DIAPH2: variants seen among roughly 807,000 people sequenced by gnomAD.
DIAPH2 encodes the protein diaphanous related formin 2.
In DIAPH2, 35 loss-of-function variants were observed where a neutral mutation model predicts 92.7. That is an observed-to-expected ratio of 0.38 (90% CI 0.29 to 0.50). The LOEUF (loss-of-function observed/expected upper bound fraction) is 0.50, where lower values mean the gene tolerates loss of function less well. DIAPH2 is among the 20% of genes least tolerant of loss of function. The pLI, the probability that DIAPH2 is intolerant of heterozygous loss-of-function variation, is 0.94. For missense variants in DIAPH2, 701 were observed against 819.5 expected (o/e 0.86, Z 1.77); for synonymous variants, 301 against 280.4 (o/e 1.07, Z -0.73).
chrX:96,832,765 A>G (rs2064863474), intron 4 of DIAPH2, among the ~76,000 whole-genome samples: 1 of 111,689 alleles, frequency 9.0e-6, no homozygotes, highest in African/African-American at 3.2e-5. Context: ...GATTTCATAA[A>G]AGTTGCTGTT....
At chrX:97,274,247 T>C (rs1363843819) in intron 23 of DIAPH2, among the ~76,000 whole-genome samples, 2 of 111,067 alleles carry the variant, frequency 1.8e-5, no homozygotes, top group African/African-American at 6.5e-5. Flanking sequence ...CGGTGGCTCA[T>C]GCCTGTAATC....
intron 4 of DIAPH2, 46 bp from the exon 5 acceptor site, chrX:96,881,533 T>G (rs2065213216): frequency 8.8e-7 from 1 of 1,131,051 alleles, no homozygotes; most frequent in African/African-American, 1.8e-5. Context: ...TTACTTAAAT[T>G]TTTTTTGAAA....
rs191421447 is a variant in DIAPH2 at position 96,750,233 on chromosome X, G to A, written c.343-7921G>A. Among the ~76,000 whole-genome samples the A allele has an allele frequency of 5.5e-3, 602 of 108,904 alleles. 5 individuals carry two copies. The highest frequency in any genetic ancestry group is 9.1e-3 in the Non-Finnish European group (477 of 52,350). 94.6% of individuals were successfully genotyped at this position (108,904 alleles called of 115,157 possible). ...AGTAGAGATGGGGTTTTGCCATGTC[G>A]GCCAGGCTGGTCTCGAACTCCTGAC... On this transcript the variant is annotated intron_variant, in intron 3 of 26. Coordinates refer to ENST00000324765, the MANE Select transcript of DIAPH2 (RefSeq NM_006729.5).
chrX:96,770,377 T>G (rs1307306237), intron 4 of DIAPH2, among the ~76,000 whole-genome samples: 2 of 112,029 alleles, frequency 1.8e-5, no homozygotes, highest in Non-Finnish European at 3.8e-5. Context: ...TTTTATTAGT[T>G]TATTTATAGA....
chrX:97,296,028 A>G (rs779757179), intron 23 of DIAPH2, among the ~76,000 whole-genome samples: 2 of 110,913 alleles, frequency 1.8e-5, no homozygotes. Context: ...CACCATACGC[A>G]GCCATATTTT....
chrX:97,540,669 A>T (rs2071132913), intron 26 of DIAPH2, among the ~76,000 whole-genome samples: 1 of 112,146 alleles, frequency 8.9e-6, no homozygotes, highest in South Asian at 3.7e-4. Context: ...TCATTATGCA[A>T]CCAATTAGAA....
intron 24 of DIAPH2, among the ~76,000 whole-genome samples, chrX:97,359,895 G>A (rs1162765361): frequency 9.0e-6 from 1 of 111,375 alleles, no homozygotes; most frequent in East Asian, 2.8e-4. Flanking sequence ...TCTTAATAAT[G>A]AGGCAGCTAC....
intron 26 of DIAPH2, among the ~76,000 whole-genome samples, chrX:97,573,070 T>A (rs1355397689): frequency 9.0e-6 from 1 of 111,645 alleles, no homozygotes; most frequent in Admixed American, 9.6e-5. Context: ...AATCAGAAAT[T>A]CATGTCCTTA....
chrX:97,348,605 G>A (rs2069179618), intron 24 of DIAPH2, among the ~76,000 whole-genome samples: 1 of 111,807 alleles, frequency 8.9e-6, no homozygotes, highest in South Asian at 3.7e-4. Flanking sequence ...ATTTCACGTA[G>A]CGTAAACATT....
intron 4 of DIAPH2, among the ~76,000 whole-genome samples, chrX:96,817,382 G>GA (rs1351294191): frequency 2.7e-5 from 3 of 110,673 alleles, no homozygotes; most frequent in Non-Finnish European, 3.8e-5. Context: ...ATTAAAAATT[G>GA]AAAAATAGGC....
chrX:96,726,724 A>G (rs1256390401), intron 1 of DIAPH2, among the ~76,000 whole-genome samples: 3 of 112,135 alleles, frequency 2.7e-5, no homozygotes, highest in Non-Finnish European at 5.6e-5. Context: ...TGTGTAATTT[A>G]TTATCTTTGT....
chrX:97,297,603 ACTT>A (rs2068655883), intron 23 of DIAPH2, among the ~76,000 whole-genome samples: 2 of 72,128 alleles, frequency 2.8e-5, no homozygotes, highest in Non-Finnish European at 5.2e-5. Flanking sequence ...TTTTTAGTGC[ACTT>A]TTTTTTTTTT....
intron 4 of DIAPH2, among the ~76,000 whole-genome samples, chrX:96,820,433 G>A (rs2064770063): frequency 9.0e-6 from 1 of 111,635 alleles, no homozygotes; most frequent in Admixed American, 9.5e-5. Context: ...CTGTGCCACT[G>A]TACTCCAGCC....
At chrX:97,328,975 C>A (rs2068974916) in intron 23 of DIAPH2, among the ~76,000 whole-genome samples, 1 of 111,835 alleles carries the variant, frequency 8.9e-6, no homozygotes, top group African/African-American at 3.2e-5. Context: ...CCCTTTCCAT[C>A]AAAAATAGCC....
chrX:96,943,064 G>T (rs747456488), intron 13 of DIAPH2, among the ~76,000 whole-genome samples: 1 of 109,202 alleles, frequency 9.2e-6, no homozygotes, highest in African/African-American at 3.3e-5. Flanking sequence ...TCACATTCGT[G>T]ATCGCTCCCT....
intron 26 of DIAPH2, among the ~76,000 whole-genome samples, chrX:97,586,109 A>G (rs2071478187): frequency 9.0e-6 from 1 of 111,392 alleles, no homozygotes; most frequent in Admixed American, 9.6e-5. Context: ...ACCATCTACC[A>G]TCTATTACCC....
chrX:97,352,658 A>G (rs1222080231), intron 24 of DIAPH2, among the ~76,000 whole-genome samples: 2 of 108,778 alleles, frequency 1.8e-5, no homozygotes, highest in African/African-American at 3.3e-5. Context: ...TCACGAGGTC[A>G]GGAGATCGAG....
chrX:97,182,795 G>A (rs2067550437), intron 22 of DIAPH2, among the ~76,000 whole-genome samples: 1 of 111,394 alleles, frequency 9.0e-6, no homozygotes, highest in Non-Finnish European at 1.9e-5. Context: ...AACTTCTCTG[G>A]TTTGAAGTAT....
intron 23 of DIAPH2, among the ~76,000 whole-genome samples, chrX:97,284,693 A>G (rs1360033812): frequency 1.8e-5 from 2 of 110,837 alleles, no homozygotes; most frequent in Non-Finnish European, 3.8e-5. Flanking sequence ...AAGGCAAACT[A>G]TATGCATCAG....
Sources: allele counts gnomAD v4.1 joint callset (sites outside exome capture counted in the v4.1 genomes callset), GRCh38; gene constraint gnomAD v4.1.1; transcripts MANE v1.5; gene names NCBI Gene and HGNC (gene_info 2026-07-23, HGNC 2026-07-21).